ARMC9: variants seen among roughly 807,000 people sequenced by gnomAD.
ARMC9 encodes lisH domain-containing protein ARMC9.
In ARMC9, 94 loss-of-function variants were observed where a neutral mutation model predicts 107.0. The observed-to-expected ratio is 0.88, with a 90% CI of 0.74 to 1.04. ARMC9 has a LOEUF of 1.04. ARMC9 is among the 50% of genes least tolerant of loss of function. The probability of loss-of-function intolerance (pLI) is 0.00; values close to 1 mark genes in which losing one functional copy is unlikely to be tolerated. For synonymous variants in ARMC9, 380 were observed against 396.9 expected, an observed-to-expected ratio of 0.96 and a Z score of 0.51; for missense variants, 942 against 1,030.1, an observed-to-expected ratio of 0.91 and a Z score of 1.17.
rs2045548752 is a variant in ARMC9 at position 231,360,933 on chromosome 2, G to T, written c.2261+50G>T. The T allele has an allele frequency of 6.8e-7, 1 of 1,469,782 alleles. No homozygotes were observed. The highest frequency in any genetic ancestry group is 9.0e-7 in the Non-Finnish European group (1 of 1,116,494). The allele number at this position is 1,469,782 out of a possible 1,614,324, so 91.0% of individuals were successfully genotyped here. The stretch of plus-strand genomic sequence containing the variant: ...GAACCTGACTCTCGGAGCTCTGGGA[G>T]TGGGCGCCCCACGCCGGATGCAGAG... On this transcript the variant is annotated intron_variant, in intron 23 of 24. Coordinates refer to ENST00000611582, the MANE Select transcript of ARMC9 (RefSeq NM_001352754.2). This position sits in a 1 kb window ranked among gnomAD's most constrained non-coding sequence, Gnocchi z 4.7.
intron 19 of ARMC9, among the ~76,000 whole-genome samples, chr2:231,323,523 C>T (rs901090576): frequency 2.0e-5 from 3 of 152,140 alleles, no homozygotes; most frequent in Admixed American, 6.5e-5. Context: ...CCTCAACTAG[C>T]GCAGCTCAGT....
rs368122018 is a variant in ARMC9, at chr2:231,296,065, G to A, written c.1718-133G>A. 7 of 571,610 alleles carry A rather than the reference G, an allele frequency of 1.2e-5. No individual in the cohort carries two copies. In the East Asian group the frequency reaches 2.1e-4, roughly 17 times the overall value. The allele number at this position is 571,610 out of a possible 1,614,324, so 35.4% of individuals were successfully genotyped here. On this transcript the variant is annotated intron_variant, in intron 18 of 24. Transcript: ENST00000611582. ...GACTGAAATGGTTGTGATTAGGATG[G>A]TTAGGAGCATGATGACTTTGATGTA...
intron 6 of ARMC9, among the ~76,000 whole-genome samples, chr2:231,224,987 A>G (rs998336283): frequency 6.6e-6 from 1 of 152,254 alleles, no homozygotes; most frequent in Non-Finnish European, 1.5e-5. Flanking sequence ...GGCCTAGGTC[A>G]TAAAGGTTTA....
chr2:231,262,437 C>A (rs1327036462), intron 12 of ARMC9, 39 bp downstream of exon 12: 11 of 1,545,446 alleles, frequency 7.1e-6, no homozygotes, highest in Non-Finnish European at 9.8e-6. Flanking sequence ...CCAGGGCCTT[C>A]AATTCTAGGG....
chr2:231,266,612 C>T (rs1271038723), intron 12 of ARMC9, among the ~76,000 whole-genome samples: 1 of 152,132 alleles, frequency 6.6e-6, no homozygotes, highest in Non-Finnish European at 1.5e-5. Flanking sequence ...CTCCATTTCC[C>T]CCTACTCCAG....
At position 231,331,793 on chromosome 2, in the gene ARMC9, G is replaced by C; in HGVS notation, c.1774G>C (p.Glu592Gln). The part of the protein sequence containing the change: ...SDDDEDEDDE[E>Q]DHDIMEADLD... ...ATTCACCCCATGTCTCCTGAAACAG[G>C]AGGACCATGACATCATGGAAGCCGA... The change falls in exon 20 of 25, where the codon GAG (glutamate) becomes CAG (glutamine). Residue 592 changes from glutamate (E) to glutamine (Q), a missense_variant and splice_region_variant. Glu to Gln is a conservative substitution (Grantham distance 29). Coordinates refer to ENST00000611582, the MANE Select transcript of ARMC9 (RefSeq NM_001352754.2). 1 of 1,613,724 alleles carries C rather than the reference G, an allele frequency of 6.2e-7. No individual in the cohort carries two copies. The highest frequency in any genetic ancestry group is 1.6e-4 in the Middle Eastern group (1 of 6,062).
At chr2:231,289,637 A>G (rs2040852143) in intron 17 of ARMC9, among the ~76,000 whole-genome samples, 1 of 152,184 alleles carries the variant, frequency 6.6e-6, no homozygotes. Context: ...GGGCCAAGGC[A>G]GTCATTGGTT....
chr2:231,281,946 C>T lies in ARMC9; in HGVS notation c.1552-113C>T, dbSNP rs1444466328. 2.7e-5 allele frequency: 26 copies of T among 973,572 alleles called. 1 individual carries two copies. Among genetic ancestry groups the T allele is most frequent in the South Asian group, 8.3e-5 (6 of 72,048 alleles). 60.3% of individuals were successfully genotyped at this position (973,572 alleles called of 1,614,324 possible). ...CTGGAGCACAGGAGAGCTGCGAGGA[C>T]GGGAACACCCACTCTCCCCATTTGC... On this transcript the variant is annotated intron_variant, in intron 16 of 24. Transcript: ENST00000611582.
chr2:231,354,296 C>T (rs1414711871), intron 21 of ARMC9, among the ~76,000 whole-genome samples: 1 of 144,906 alleles, frequency 6.9e-6, no homozygotes, highest in Non-Finnish European at 1.5e-5. Context: ...AGACTGATTG[C>T]GCACCTCGGG....
At chr2:231,328,251 G>T (rs2043466835) in intron 19 of ARMC9, among the ~76,000 whole-genome samples, 1 of 152,124 alleles carries the variant, frequency 6.6e-6, no homozygotes, top group Non-Finnish European at 1.5e-5. Context: ...TAATTAGATT[G>T]TTTGGGTATT....
intron 20 of ARMC9, among the ~76,000 whole-genome samples, chr2:231,336,814 G>A (rs1384744192): frequency 6.6e-6 from 1 of 152,242 alleles, no homozygotes; most frequent in Non-Finnish European, 1.5e-5. Flanking sequence ...GCAGGAGTCT[G>A]GGCCCTGGAG....
intron 20 of ARMC9, among the ~76,000 whole-genome samples, chr2:231,340,137 C>T (rs1330109025): frequency 6.6e-6 from 1 of 152,284 alleles, no homozygotes; most frequent in African/African-American, 2.4e-5. Flanking sequence ...TGCTTTTAAA[C>T]TAGGTTGAAC....
At chr2:231,221,822 C>T (rs2034159080) in intron 5 of ARMC9, among the ~76,000 whole-genome samples, 1 of 111,984 alleles carries the variant, frequency 8.9e-6, no homozygotes, top group Non-Finnish European at 1.6e-5. Context: ...CAAAGCAAGA[C>T]TCTGTCTCAA....
intron 6 of ARMC9, among the ~76,000 whole-genome samples, chr2:231,225,832 C>T (rs1185817395): frequency 6.6e-6 from 1 of 152,086 alleles, no homozygotes; most frequent in African/African-American, 2.4e-5. Context: ...ATACTGAAAA[C>T]CATTGAAATG....
chr2:231,280,137 C>A (rs1437718590), intron 16 of ARMC9, among the ~76,000 whole-genome samples: 2 of 152,154 alleles, frequency 1.3e-5, no homozygotes, highest in Non-Finnish European at 2.9e-5. Context: ...TCATTACCTG[C>A]TACCAATGCA....
intron 19 of ARMC9, among the ~76,000 whole-genome samples, chr2:231,319,195 G>A (rs1324024942): frequency 6.6e-6 from 1 of 152,202 alleles, no homozygotes; most frequent in East Asian, 1.9e-4. Flanking sequence ...AACTGCCTGA[G>A]TGAGGTCAGT....
rs183777474 is a variant in ARMC9 at position 231,229,235 on chromosome 2, T to A, written c.622+2437T>A. Among the ~76,000 whole-genome samples, 24 of 152,232 alleles carry A rather than the reference T, an allele frequency of 1.6e-4. No homozygotes were observed. The East Asian group carries it at 4.4e-3, about 28-fold the overall frequency. On this transcript the variant is annotated intron_variant, in intron 7 of 24. Transcript: ENST00000611582. ...ATGACAGTCATTTGTCACCCCCTTG[T>A]CCCCTCATCCTGCAGCTAAGGCTGT...
chr2:231,234,988 C>T (rs533185867), intron 7 of ARMC9, among the ~76,000 whole-genome samples: 13 of 152,056 alleles, frequency 8.5e-5, no homozygotes, highest in Non-Finnish European at 1.6e-4. Flanking sequence ...CTTAGGAAGC[C>T]CAGTGAGGAT....
At chr2:231,210,684 A>C (rs1178258225) in intron 3 of ARMC9, among the ~76,000 whole-genome samples, 1 of 152,216 alleles carries the variant, frequency 6.6e-6, no homozygotes, top group African/African-American at 2.4e-5. Flanking sequence ...ACTTTCCGCA[A>C]CTGGTTTGCC....
Sources: gnomAD v4.1 joint callset for allele counts (sites outside exome capture counted in the v4.1 genomes callset) on GRCh38, gnomAD v4.1.1 for gene constraint, Gnocchi (gnomAD v3.1) non-coding constraint, MANE v1.5 for transcripts, NCBI Gene and HGNC (gene_info 2026-07-23, HGNC 2026-07-21) for gene names.